Variants in CUX1 observed in about 807,000 individuals in gnomAD.
The protein encoded by CUX1 is protein CASP.
Under a neutral mutation model 158.8 loss-of-function variants are expected in CUX1, and 31 were observed. The observed-to-expected ratio is 0.20, with a 90% CI of 0.15 to 0.26. The LOEUF is 0.26. CUX1 is among the 10% of genes least tolerant of loss of function. The probability of loss-of-function intolerance (pLI) is 1.00; values close to 1 mark genes in which losing one functional copy is unlikely to be tolerated. For synonymous variants in CUX1, 879 were observed against 862.1 expected (o/e 1.02, Z -0.34); for missense variants, 1,589 against 2,014.6 (o/e 0.79, Z 4.04).
chr7:102,199,962 G>A (rs933512682), intron 16 of CUX1, 109 bp from the exon 17 acceptor site: 4 of 832,376 alleles, frequency 4.8e-6, no homozygotes, highest in Non-Finnish European at 7.4e-6. Context: ...CTGCCTCCTT[G>A]TGTCACCAGC....
Position 101,836,684 on chromosome 7 carries a change from C to CAAAAAAA in CUX1, c.30+19031_30+19037dup, listed in dbSNP as rs71755816. On this transcript the variant is annotated intron_variant, in intron 1 of 23. Transcript: ENST00000292535. Reference sequence around the variant, plus strand: ...CTCTGAGAGCAGCGAGACTCCTTCTCAAAAAAAAAAAAAAAAAAAAAAGAA... The same window carrying CAAAAAAA: ...CTCTGAGAGCAGCGAGACTCCTTCTCAAAAAAAAAAAAAAAAAAAAAAAAAAAAAGAA... Among the ~76,000 whole-genome samples, 36 of 77,828 alleles carry CAAAAAAA rather than the reference C, an allele frequency of 4.6e-4. 1 individual carries two copies. The highest frequency in any genetic ancestry group is 6.7e-4 in the Non-Finnish European group (28 of 41,502). 51.1% of individuals were successfully genotyped at this position (77,828 alleles called of 152,430 possible). A position where few individuals can be genotyped will look rare whatever the true frequency, so the allele number is the denominator to read the frequency against.
chr7:101,980,774 C>T (rs1035773343), intron 2 of CUX1, among the ~76,000 whole-genome samples: 1 of 152,104 alleles, frequency 6.6e-6, no homozygotes, highest in African/African-American at 2.4e-5. Context: ...CTCCTGAAGG[C>T]CCCGAGAACC....
chr7:102,269,825 C>G (rs943941157), intron 14 of CUX1, among the ~76,000 whole-genome samples: 117 of 152,336 alleles, frequency 7.7e-4, no homozygotes, highest in Non-Finnish European at 1.3e-3. Flanking sequence ...CCATGCCCCC[C>G]CCAAACGCTT....
intron 2 of CUX1, among the ~76,000 whole-genome samples, chr7:101,976,245 C>G (rs1325935078): frequency 6.6e-6 from 1 of 152,182 alleles, no homozygotes; most frequent in Admixed American, 6.5e-5. Context: ...TCTGTACTCT[C>G]TTATAGTAAT....
Position 102,249,459 on chromosome 7 carries a change from T to G in CUX1, c.*417T>G, listed in dbSNP as rs1307651248. 12 of 983,744 alleles carry G rather than the reference T, an allele frequency of 1.2e-5. No individual in the cohort carries two copies. Among genetic ancestry groups the G allele is most frequent in the Non-Finnish European group, 1.4e-5 (12 of 827,990 alleles). The allele number at this position is 983,744 out of a possible 1,614,324, so 60.9% of individuals were successfully genotyped here. ...CAAGGAAGAAAACGGAAATGTGTGG[T>G]CGAGCTTTTTTGTACCCTGAAGTGT... On this transcript the variant is annotated 3_prime_UTR_variant, in exon 24 of 24. Coordinates refer to ENST00000292535, the MANE Select transcript of CUX1 (RefSeq NM_181552.4).
At chr7:101,853,584 G>GGGGTGTGTGTGTGTGT (rs754780783) in intron 1 of CUX1, among the ~76,000 whole-genome samples, 18 of 140,868 alleles carry the variant, frequency 1.3e-4, no homozygotes, top group African/African-American at 4.9e-4. Context: ...CAATAGAAAG[G>GGGGTGTGTGTGTGTGT]GTGTGTGTGT....
chr7:101,832,597 C>T (rs1794170283), intron 1 of CUX1, among the ~76,000 whole-genome samples: 2 of 152,216 alleles, frequency 1.3e-5, no homozygotes, highest in Admixed American at 6.5e-5. Flanking sequence ...TTATTCATCC[C>T]TATTTGCTTT....
chr7:102,066,569 C>T (rs773883444), intron 3 of CUX1, among the ~76,000 whole-genome samples: 5 of 152,186 alleles, frequency 3.3e-5, no homozygotes, highest in Non-Finnish European at 5.9e-5. Flanking sequence ...GACGCAGCCA[C>T]CCGGTACCCT....
chr7:101,876,703 AG>A (rs1799179511), intron 1 of CUX1, among the ~76,000 whole-genome samples: 1 of 152,178 alleles, frequency 6.6e-6, no homozygotes, highest in Admixed American at 6.5e-5. Flanking sequence ...AAAAAAAAAA[AG>A]AAAAATGAAA....
rs1816028142 is a variant in CUX1, at chr7:101,997,162, C to T, written c.142-30936C>T. On this transcript the variant is annotated intron_variant, in intron 2 of 23. Transcript: ENST00000292535. ...TCTGGACCTGAATTGGGCCCTTGCACACACTAGCTGTGGACCGAAGACAAA... is the reference window on the plus strand; with the variant it reads ...TCTGGACCTGAATTGGGCCCTTGCATACACTAGCTGTGGACCGAAGACAAA... 3.3e-5 allele frequency among the ~76,000 whole-genome samples: 5 copies of T among 152,120 alleles called. No individual in the cohort carries two copies. The South Asian group carries it at 8.3e-4, about 25-fold the overall frequency.
chr7:102,170,418 C>G, intron 9 of CUX1, 28 bp from the exon 10 acceptor site: 2 of 1,468,502 alleles, frequency 1.4e-6, no homozygotes, highest in Non-Finnish European at 9.3e-7. Flanking sequence ...AATGTACTTT[C>G]TCTTTCACCC....
chr7:101,907,674 GAACTTT>G (rs886310231), intron 1 of CUX1, among the ~76,000 whole-genome samples: 1 of 152,066 alleles, frequency 6.6e-6, no homozygotes, highest in Non-Finnish European at 1.5e-5. Flanking sequence ...GCAAAAACAT[GAACTTT>G]AACTTTAGGA....
chr7:102,088,126 T>A (rs1196707069), intron 4 of CUX1, among the ~76,000 whole-genome samples: 3 of 152,004 alleles, frequency 2.0e-5, no homozygotes, highest in Non-Finnish European at 4.4e-5. Flanking sequence ...GCCTCCCCAG[T>A]AACTGGGATT....
chr7:102,115,772 C>G (rs1198033300), intron 8 of CUX1: 1 of 152,740 alleles, frequency 6.5e-6, no homozygotes, highest in Non-Finnish European at 1.5e-5. Context: ...CTACCCAGCT[C>G]TTGTCCAAAG....
At chr7:101,870,711 A>G (rs1798436938) in intron 1 of CUX1, among the ~76,000 whole-genome samples, 1 of 152,220 alleles carries the variant, frequency 6.6e-6, no homozygotes, top group South Asian at 2.1e-4. Flanking sequence ...CAGAGCGGCA[A>G]ACAACCTTAA....
intron 6 of CUX1, among the ~76,000 whole-genome samples, chr7:102,108,771 T>TGTG (rs1554489271): frequency 1.3e-5 from 2 of 151,116 alleles, no homozygotes; most frequent in Non-Finnish European, 2.9e-5. Flanking sequence ...TGTGTGTGTG[T>TGTG]TTTGAGACAA....
chr7:102,214,793 C>A (rs1465926858), intron 20 of CUX1, among the ~76,000 whole-genome samples: 2 of 152,246 alleles, frequency 1.3e-5, no homozygotes, highest in African/African-American at 2.4e-5. Context: ...AGGCAGGAGG[C>A]TTCCATCGGG....
At chr7:102,185,347 C>A (rs1366090837) in intron 11 of CUX1, among the ~76,000 whole-genome samples, 4 of 151,986 alleles carry the variant, frequency 2.6e-5, no homozygotes, top group Non-Finnish European at 4.4e-5. Context: ...AAACATGATC[C>A]CCATTTTATA....
chr7:102,256,838 C>A lies in CUX1; in HGVS notation c.*7796C>A. 1.0e-6 allele frequency: 1 copy of A among 985,430 alleles called. No individual in the cohort carries two copies. Among genetic ancestry groups the A allele is most frequent in the Non-Finnish European group, 1.2e-6 (1 of 829,968 alleles). 61.0% of individuals were successfully genotyped at this position (985,430 alleles called of 1,614,324 possible). A position where few individuals can be genotyped will look rare whatever the true frequency, so the allele number is the denominator to read the frequency against. On this transcript the variant is annotated 3_prime_UTR_variant, in exon 24 of 24. Transcript: ENST00000292535. ...CGAGAGAGTGATTTCTTGCAAGGCC[C>A]GCATGGGTTGATACGTTTTGGTTGG...
Sources: gnomAD v4.1 joint callset for allele counts (sites outside exome capture counted in the v4.1 genomes callset) on GRCh38, gnomAD v4.1.1 for gene constraint, MANE v1.5 for transcripts, NCBI Gene and HGNC (gene_info 2026-07-23, HGNC 2026-07-21) for gene names.